Variants in TET2 observed in about 807,000 individuals in gnomAD.
The protein encoded by TET2 is tet methylcytosine dioxygenase 2.
In TET2, 299 loss-of-function variants were observed where a neutral mutation model predicts 142.9. The ratio of observed to expected loss-of-function variants is 2.09; its 90% confidence interval spans 1.90 to 2.30. TET2 has a LOEUF of 2.30. TET2 is among the 30% of genes most tolerant of loss of function. The pLI is 0.00. For missense variants in TET2, 2,418 were observed against 2,378.0 expected, an observed-to-expected ratio of 1.02 and a Z score of -0.35; for synonymous variants, 819 against 849.0, an observed-to-expected ratio of 0.96 and a Z score of 0.61.
At chr4:105,264,138 A>T (rs1730579451) in intron 8 of TET2, among the ~76,000 whole-genome samples, 1 of 151,904 alleles carries the variant, frequency 6.6e-6, no homozygotes, top group Non-Finnish European at 1.5e-5. Context: ...ATAGAGGCAA[A>T]TTAAACGATG....
At chr4:105,274,840 T>TC (rs780029694) in intron 10 of TET2, among the ~76,000 whole-genome samples, 12 of 152,236 alleles carry the variant, frequency 7.9e-5, no homozygotes, top group Non-Finnish European at 1.5e-4. Context: ...ATTTTTTTTT[T>TC]CACTAAGTTT....
chr4:105,167,519 ATATAATAGT>A (rs577203925), intron 1 of TET2, among the ~76,000 whole-genome samples: 1 of 152,124 alleles, frequency 6.6e-6, no homozygotes, highest in Admixed American at 6.5e-5. Flanking sequence ...AAAAATATGT[ATATAATAGT>A]TTCACTGTAC....
At chr4:105,239,070 TTTTG>T (rs1409324148) in intron 3 of TET2, 1 of 145,498 alleles carries the variant, frequency 6.9e-6, no homozygotes, top group African/African-American at 8.7e-5. Flanking sequence ...TGGTTTTGTT[TTTTG>T]TTTTTTTTTT....
At chr4:105,184,160 A>G (rs529373937) in intron 1 of TET2, among the ~76,000 whole-genome samples, 3 of 152,168 alleles carry the variant, frequency 2.0e-5, no homozygotes, top group African/African-American at 4.8e-5. Flanking sequence ...TGTGATGTTT[A>G]TAGGGTATTT....
chr4:105,250,863 G>A (rs1208484976), intron 6 of TET2, among the ~76,000 whole-genome samples: 1 of 151,984 alleles, frequency 6.6e-6, no homozygotes, highest in South Asian at 2.1e-4. Context: ...TGTGTTTTTG[G>A]TGGAGACAGG....
At chr4:105,230,235 G>A (rs1728431287) in intron 2 of TET2, among the ~76,000 whole-genome samples, 1 of 152,102 alleles carries the variant, frequency 6.6e-6, no homozygotes, top group African/African-American at 2.4e-5. Context: ...GGAGAGACGG[G>A]ATTTCACCAT....
intron 3 of TET2, chr4:105,238,824 C>A: frequency 4.2e-6 from 1 of 239,258 alleles, no homozygotes; most frequent in Non-Finnish European, 8.9e-6. Context: ...TGATACCTTT[C>A]CAGAAGGCTT....
chr4:105,269,469 G>A (rs528500057), intron 8 of TET2, 141 bp from the exon 9 acceptor site: 67 of 844,502 alleles, frequency 7.9e-5, no homozygotes, highest in Admixed American at 1.4e-4. Flanking sequence ...GCTCTATTTT[G>A]TGTCATTCCA....
At chr4:105,204,272 CATACAT>C (rs1726683333) in intron 2 of TET2, among the ~76,000 whole-genome samples, 2 of 140,840 alleles carry the variant, frequency 1.4e-5, no homozygotes, top group African/African-American at 5.8e-5. Context: ...CACACACATA[CATACAT>C]ACATTAGAAA....
intron 1 of TET2, among the ~76,000 whole-genome samples, chr4:105,170,693 C>T (rs768015767): frequency 1.3e-5 from 2 of 152,044 alleles, no homozygotes; most frequent in African/African-American, 2.4e-5. Context: ...CTTCTGGAGC[C>T]GAGGAAACAT....
chr4:105,211,628 G>T (rs1051698910), intron 2 of TET2, among the ~76,000 whole-genome samples: 5 of 152,156 alleles, frequency 3.3e-5, no homozygotes, highest in African/African-American at 1.2e-4. Flanking sequence ...TAGTTCAGAA[G>T]AGGGCACTGC....
At chr4:105,218,241 A>G (rs1378754395) in intron 2 of TET2, among the ~76,000 whole-genome samples, 2 of 152,066 alleles carry the variant, frequency 1.3e-5, no homozygotes, top group African/African-American at 2.4e-5. Context: ...AGAAGAATTT[A>G]TGTTCCTAGT....
At chr4:105,183,498 A>T (rs1277223763) in intron 1 of TET2, among the ~76,000 whole-genome samples, 1 of 152,086 alleles carries the variant, frequency 6.6e-6, no homozygotes, top group East Asian at 1.9e-4. Flanking sequence ...GAATCATAAA[A>T]CCTTAAAGCT....
Position 105,234,919 on chromosome 4 carries a change from A to G in TET2, c.977A>G (p.Lys326Arg). 1 of 1,614,064 alleles carries G rather than the reference A, an allele frequency of 6.2e-7. No homozygotes were observed. The highest frequency in any genetic ancestry group is 1.1e-5 in the South Asian group (1 of 91,074). Reference sequence around the variant, plus strand: ...AAACCAGAACAACTACAACAACAAAAATCAGTTTTTGAGATATGCCCATCT... The same window carrying G: ...AAACCAGAACAACTACAACAACAAAGATCAGTTTTTGAGATATGCCCATCT... The part of the protein sequence containing the change: ...FQKPEQLQQQ[K>R]SVFEICPSPA... Residue 326 changes from lysine to arginine, a missense_variant, in exon 3 of 11, where the codon AAA becomes AGA. Transcript: ENST00000380013.
Position 105,235,780 on chromosome 4 carries a change from G to C in TET2, c.1838G>C (p.Gly613Ala). 1 of 1,614,040 alleles carries C rather than the reference G, an allele frequency of 6.2e-7. No individual in the cohort carries two copies. Among genetic ancestry groups the C allele is most frequent in the South Asian group, 1.1e-5 (1 of 91,062 alleles). Residue 613 changes from glycine to alanine, a missense_variant, in exon 3 of 11, where the codon GGG (glycine) becomes GCG (alanine). Coordinates refer to ENST00000380013, the MANE Select transcript of TET2 (RefSeq NM_001127208.3). ...TACACTGGAAATTCCAACATGCCTGGGGGGCTCCCAAGGCAAGCTTACACC... is the reference window on the plus strand; with the variant it reads ...TACACTGGAAATTCCAACATGCCTGCGGGGCTCCCAAGGCAAGCTTACACC... ...KQYTGNSNMP[G>A]GLPRQAYTQK...
At chr4:105,256,233 T>C (rs897702483) in intron 6 of TET2, among the ~76,000 whole-genome samples, 1 of 152,192 alleles carries the variant, frequency 6.6e-6, no homozygotes, top group African/African-American at 2.4e-5. Context: ...TAGGTGTATT[T>C]GAGGTACTGT....
At chr4:105,190,775 A>G (rs1725739878) in intron 2 of TET2, 1 of 365,332 alleles carries the variant, frequency 2.7e-6, no homozygotes, top group African/African-American at 2.1e-5. Context: ...AAAAAGAGGT[A>G]AGGATTATTC....
chr4:105,198,290 C>T (rs1488139658), intron 2 of TET2, among the ~76,000 whole-genome samples: 3 of 152,088 alleles, frequency 2.0e-5, no homozygotes, highest in African/African-American at 7.2e-5. Context: ...GAGCCGAGAT[C>T]GTGCCGTTGC....
intron 2 of TET2, among the ~76,000 whole-genome samples, chr4:105,220,274 AT>A (rs1182441816): frequency 2.6e-5 from 4 of 151,780 alleles, no homozygotes; most frequent in Non-Finnish European, 4.4e-5. Context: ...AAATGAAAGT[AT>A]TTTTTTTCTA....
Sources: allele counts gnomAD v4.1 joint callset (sites outside exome capture counted in the v4.1 genomes callset), GRCh38; gene constraint gnomAD v4.1.1; transcripts MANE v1.5; gene names NCBI Gene and HGNC (gene_info 2026-07-23, HGNC 2026-07-21).